The following CDKL1 variants were observed in gnomAD, a reference collection of about 807,000 sequenced individuals.
The protein encoded by CDKL1 is cyclin-dependent kinase-like 1.
In CDKL1, 41 loss-of-function variants were observed where a neutral mutation model predicts 42.0. That is an observed-to-expected ratio of 0.98 (90% CI 0.76 to 1.27). The LOEUF (loss-of-function observed/expected upper bound fraction) is 1.27. CDKL1 is among the 50% of genes most tolerant of loss of function. The pLI is 0.00. For missense variants in CDKL1, 394 were observed against 428.4 expected (o/e 0.92, Z 0.71); for synonymous variants, 153 against 158.6 (o/e 0.96, Z 0.26).
At chr14:50,342,045 T>C (rs1253278406) in intron 5 of CDKL1, 87 bp downstream of exon 5, 9 of 1,035,076 alleles carry the variant, frequency 8.7e-6, no homozygotes, top group Non-Finnish European at 1.3e-5. Flanking sequence ...AGTACTATCT[T>C]GTATACTTCT....
intron 2 of CDKL1, among the ~76,000 whole-genome samples, chr14:50,389,770 C>T (rs1300027201): frequency 6.6e-6 from 1 of 152,174 alleles, no homozygotes; most frequent in Non-Finnish European, 1.5e-5. Flanking sequence ...ACAAATCTCA[C>T]AGCTAAGGCC....
In CDKL1 at chr14:50,329,452, T is replaced by G. The variant is rs369372965; in HGVS notation, c.*622A>C. The G allele has an allele frequency of 6.6e-6, 1 of 152,354 alleles. No individual in the cohort carries two copies. Among genetic ancestry groups the G allele is most frequent in the African/African-American group, 2.4e-5 (1 of 41,458 alleles). The allele number at this position is 152,354 out of a possible 1,614,324, so 9.4% of individuals were successfully genotyped here. ...GTATCCTTTACTGATAAAGTAAGGATGAAATGTGGAAACATATAATTAAAT... is the reference window on the plus strand; with the variant it reads ...GTATCCTTTACTGATAAAGTAAGGAGGAAATGTGGAAACATATAATTAAAT... On this transcript the variant is annotated 3_prime_UTR_variant, in exon 10 of 10. Coordinates refer to ENST00000395834, the MANE Select transcript of CDKL1 (RefSeq NM_004196.7).
intron 2 of CDKL1, chr14:50,390,142 G>A: frequency 8.1e-6 from 11 of 1,365,774 alleles, no homozygotes; most frequent in Non-Finnish European, 1.1e-5. Context: ...CCACATAGCA[G>A]TAGATGATTC....
In CDKL1 at chr14:50,395,906, C is replaced by T. The variant is rs370500510; in HGVS notation, c.-38G>A. 1.4e-5 allele frequency: 23 copies of T among 1,601,428 alleles called. No individual in the cohort carries two copies. Among genetic ancestry groups the T allele is most frequent in the Admixed American group, 5.0e-5 (3 of 59,836 alleles). On this transcript the variant is annotated 5_prime_UTR_variant, in exon 2 of 10. Transcript: ENST00000395834. Reference sequence around the variant, plus strand: ...AATCTTCTTAAAATGGATCTTCAGCCGAGAATGGTGGCTCACGCCTGTAAT... The same window carrying T: ...AATCTTCTTAAAATGGATCTTCAGCTGAGAATGGTGGCTCACGCCTGTAAT...
intron 2 of CDKL1, among the ~76,000 whole-genome samples, chr14:50,379,153 A>G (rs1313270659): frequency 6.6e-6 from 1 of 152,140 alleles, no homozygotes; most frequent in Admixed American, 6.6e-5. Context: ...CACACAGGAG[A>G]CAGTCTTAAA....
At position 50,341,189 on chromosome 14, in the gene CDKL1, C is replaced by T; in HGVS notation, c.498G>A (p.Trp166Ter). Residue 166 changes from tryptophan to a stop codon, truncating the protein, a stop_gained, in exon 6 of 10, where the codon TGG (tryptophan) becomes TGA (stop). Transcript: ENST00000395834. LOFTEE classifies it high-confidence loss of function. ...DYYTDYVATR[W>*]YRSPELLVGD... ...CCACCAGCAGCTCAGGGGAGCGGTA[C>T]CACCTGGTAGCCACGTAGTCTGTAT... The T allele has an allele frequency of 6.2e-7, 1 of 1,614,108 alleles. No homozygotes were observed. Among genetic ancestry groups the T allele is most frequent in the East Asian group, 2.2e-5 (1 of 44,874 alleles).
At chr14:50,340,977 C>G in intron 6 of CDKL1, 55 bp downstream of exon 6, 1 of 1,590,242 alleles carries the variant, frequency 6.3e-7, no homozygotes, top group Non-Finnish European at 8.5e-7. Context: ...TCTGCCCTGC[C>G]CCAACCTGGG....
intron 2 of CDKL1, among the ~76,000 whole-genome samples, chr14:50,381,754 T>TTTTGTTTG (rs150473733): frequency 1.3e-5 from 2 of 151,018 alleles, no homozygotes; most frequent in East Asian, 2.0e-4. Flanking sequence ...CTGTGTGGTT[T>TTTTGTTTG]TTTGTTTGTT....
rs993011774 is a variant in CDKL1, at chr14:50,327,988, A to G, written c.*2086T>C. On this transcript the variant is annotated 3_prime_UTR_variant, in exon 10 of 10. Coordinates refer to ENST00000395834, the MANE Select transcript of CDKL1 (RefSeq NM_004196.7). ...TGGAGATTTCATACCGAATAAAAGC[A>G]TTATAAATATGGTTAAATTGAACAT... The G allele has an allele frequency of 2.0e-5, 3 of 152,214 alleles. No homozygotes were observed. Among genetic ancestry groups the G allele is most frequent in the African/African-American group, 7.2e-5 (3 of 41,460 alleles). 9.4% of individuals were successfully genotyped at this position (152,214 alleles called of 1,614,324 possible). A position where few individuals can be genotyped will look rare whatever the true frequency, so the allele number is the denominator to read the frequency against.
chr14:50,358,282 G>T (rs749025422), intron 3 of CDKL1: 1 of 442,200 alleles, frequency 2.3e-6, no homozygotes, highest in Non-Finnish European at 3.8e-6. Flanking sequence ...AAGAAATCCT[G>T]AGTAATACAG....
intron 3 of CDKL1, among the ~76,000 whole-genome samples, chr14:50,349,573 A>T (rs927005043): frequency 6.6e-6 from 1 of 152,176 alleles, no homozygotes; most frequent in South Asian, 2.1e-4. Flanking sequence ...GTGACCCAAG[A>T]GCCATGCACA....
chr14:50,389,784 C>T (rs370196962), intron 2 of CDKL1, among the ~76,000 whole-genome samples: 1 of 152,176 alleles, frequency 6.6e-6, no homozygotes, highest in East Asian at 1.9e-4. Context: ...TAAGGCCCTG[C>T]GGGAGAACGG....
At chr14:50,367,395 CAG>C (rs1187038454) in intron 2 of CDKL1, among the ~76,000 whole-genome samples, 1 of 152,196 alleles carries the variant, frequency 6.6e-6, no homozygotes, top group Non-Finnish European at 1.5e-5. Context: ...CCACTGACCT[CAG>C]GGGTAGAACT....
At chr14:50,397,077 C>A (rs1034497207), upstream of CDKL1, 6 of 1,342,024 alleles carry the variant, frequency 4.5e-6, no homozygotes, top group African/African-American at 8.9e-5. Context: ...AGTCCTGCTG[C>A]CGGGAGAGCA....
intron 7 of CDKL1, chr14:50,335,352 C>A: frequency 5.2e-6 from 3 of 577,626 alleles, no homozygotes; most frequent in Non-Finnish European, 8.7e-6. Flanking sequence ...ATAAAGGGAG[C>A]TGCAAAATAG....
chr14:50,395,611 G>C, intron 2 of CDKL1, 90 bp downstream of exon 2: 1 of 854,252 alleles, frequency 1.2e-6, no homozygotes. Context: ...AGGCTGCTGT[G>C]AGCTATGATC....
At chr14:50,347,796 C>G (rs1007139714) in intron 3 of CDKL1, among the ~76,000 whole-genome samples, 12 of 152,124 alleles carry the variant, frequency 7.9e-5, no homozygotes, top group African/African-American at 2.9e-4. Context: ...GTGAATCCAG[C>G]TAAAGAAGAG....
At chr14:50,385,219 G>A (rs950570816) in intron 2 of CDKL1, among the ~76,000 whole-genome samples, 2 of 151,770 alleles carry the variant, frequency 1.3e-5, no homozygotes, top group African/African-American at 4.8e-5. Context: ...GAGAAATATG[G>A]CAGACCCATC....
intron 2 of CDKL1, among the ~76,000 whole-genome samples, chr14:50,364,442 C>G (rs904760927): frequency 6.6e-6 from 1 of 152,194 alleles, no homozygotes; most frequent in East Asian, 1.9e-4. Context: ...GCACTCCAGC[C>G]AGGGCAACAG....
Sources: allele counts gnomAD v4.1 joint callset (sites outside exome capture counted in the v4.1 genomes callset), GRCh38; gene constraint gnomAD v4.1.1; transcripts MANE v1.5; gene names NCBI Gene and HGNC (gene_info 2026-07-23, HGNC 2026-07-21).